MYOM2: variants seen among roughly 807,000 people sequenced by gnomAD.
The protein encoded by MYOM2 is myomesin 2.
MYOM2 carries 254 observed loss-of-function variants against 187.6 expected under a neutral mutation model. The ratio of observed to expected loss-of-function variants is 1.35; its 90% CI spans 1.22 to 1.50. MYOM2 has a LOEUF of 1.50. MYOM2 is among the 40% of genes most tolerant of loss of function. MYOM2 has a pLI of 0.00. For synonymous variants in MYOM2, 981 were observed against 753.8 expected (o/e 1.30, Z -4.94); for missense variants, 2,796 against 1,924.0 (o/e 1.45, Z -8.48).
At chr8:2,076,325 G>A (rs3817698) in intron 11 of MYOM2, 43 bp downstream of exon 11, 711,938 of 1,596,116 alleles carry the variant, frequency 0.45, 159,405 homozygotes, top group Admixed American at 0.47. Context: ...CGTTCCGCAT[G>A]GAATCTTACC....
chr8:2,098,879 C>A lies in MYOM2; in HGVS notation c.2336C>A (p.Ser779Ter). The change falls in exon 19 of 37, where the codon TCA becomes TAA. Residue 779 changes from serine to a stop codon, truncating the protein, a stop_gained. Coordinates refer to ENST00000262113, the MANE Select transcript of MYOM2 (RefSeq NM_003970.4). LOFTEE classifies it high-confidence loss of function. The part of the protein sequence containing the change: ...ILTVDGLTEG[S>*]LYEFKIAAVN... The stretch of plus-strand genomic sequence containing the variant: ...TAGGTGGACGGCTTGACGGAAGGCT[C>A]ACTCTACGAGTTCAAAATCGCCGCC... 6.2e-7 allele frequency: 1 copy of A among 1,613,008 alleles called. No individual in the cohort carries two copies. Among genetic ancestry groups the A allele is most frequent in the Non-Finnish European group, 8.5e-7 (1 of 1,179,444 alleles).
At position 2,145,027 on chromosome 8, in the gene MYOM2, C is replaced by G. The variant is rs1798415300; in HGVS notation, c.*46C>G. The G allele has an allele frequency of 1.3e-6, 2 of 1,599,902 alleles. No homozygotes were observed. The highest frequency in any genetic ancestry group is 1.7e-6 in the Non-Finnish European group (2 of 1,172,028). On this transcript the variant is annotated 3_prime_UTR_variant, in exon 37 of 37. Coordinates refer to ENST00000262113, the MANE Select transcript of MYOM2 (RefSeq NM_003970.4). ...GATGGGAAAATATGCTTGGCAGAGA[C>G]AGGAATGCTGTGTGCTTGTTCCAAA...
Position 2,096,443 on chromosome 8 carries a change from G to C in MYOM2, c.2313+9G>C, listed in dbSNP as rs773682032. 1.2e-6 allele frequency: 2 copies of C among 1,612,078 alleles called. No individual in the cohort carries two copies. Among genetic ancestry groups the C allele is most frequent in the South Asian group, 1.1e-5 (1 of 90,776 alleles). On this transcript the variant is annotated intron_variant, in intron 18 of 36. Transcript: ENST00000262113. ...AACCGACAATCCTAACGGTCAGTTG[G>C]TTTTTATTCCTTCGTCTATTTTTGC... is the stretch of plus-strand genomic sequence containing the variant.
chr8:2,107,465 T>C (rs1031803155), intron 23 of MYOM2, among the ~76,000 whole-genome samples: 3 of 152,172 alleles, frequency 2.0e-5, no homozygotes, highest in Non-Finnish European at 4.4e-5. Context: ...CTGGTTGATA[T>C]CATGCAGAGG....
chr8:2,120,689 A>ATTTATAATAT lies in MYOM2; in HGVS notation c.3454-2563_3454-2562insTTTATAATAT. 7.5e-4 allele frequency among the ~76,000 whole-genome samples: 32 copies of ATTTATAATAT among 42,416 alleles called. 2 individuals carry two copies. Among genetic ancestry groups the ATTTATAATAT allele is most frequent in the Non-Finnish European group, 1.4e-3 (29 of 21,402 alleles). 27.8% of individuals were successfully genotyped at this position (42,416 alleles called of 152,430 possible). ...ATATATATATATTATATTATATATA[A>ATTTATAATAT]ATATATAATATATATATTTTAATTG... is the stretch of plus-strand genomic sequence containing the variant. On this transcript the variant is annotated intron_variant, in intron 28 of 36. Coordinates refer to ENST00000262113, the MANE Select transcript of MYOM2 (RefSeq NM_003970.4).
Position 2,078,938 on chromosome 8 carries a change from G to A in MYOM2, c.1462+5G>A, listed in dbSNP as rs750026045. 52 of 1,613,212 alleles carry A rather than the reference G, an allele frequency of 3.2e-5. No homozygotes were observed. The highest frequency in any genetic ancestry group is 4.2e-5 in the Non-Finnish European group (50 of 1,179,614). ...TGGACCTCAGAAGGTTACAAGGTAA[G>A]CTGCTCACGCCTAAGTATCCACTGT... On this transcript the variant is annotated splice_donor_5th_base_variant and intron_variant, in intron 12 of 36. Coordinates refer to ENST00000262113, the MANE Select transcript of MYOM2 (RefSeq NM_003970.4).
In MYOM2 at chr8:2,129,226, G is replaced by A. The variant is rs748036308; in HGVS notation, c.3794G>A (p.Cys1265Tyr). 2 of 1,607,910 alleles carry A rather than the reference G, an allele frequency of 1.2e-6. No individual in the cohort carries two copies. The highest frequency in any genetic ancestry group is 1.7e-6 in the Non-Finnish European group (2 of 1,174,700). Residue 1265 changes from cysteine to tyrosine, a missense_variant, in exon 32 of 37, where the codon TGT becomes TAT. By Grantham distance (194) the Cys-to-Tyr change is radical (BLOSUM62 -2). Transcript: ENST00000262113. ...YFTDEMKVNW[C>Y]HKDAKISSSE... ...ACAGACGAAATGAAAGTGAACTGGT[G>A]TCACAAGTAAGTATGACAGCAGCCG...
intron 15 of MYOM2, among the ~76,000 whole-genome samples, chr8:2,091,839 G>T (rs143032904): frequency 1.3e-5 from 2 of 152,286 alleles, no homozygotes; most frequent in Non-Finnish European, 2.9e-5. Context: ...GAGGACACAG[G>T]TGGCCCCAAG....
chr8:2,109,415 T>A lies in MYOM2; in HGVS notation c.3064T>A (p.Leu1022Ile). Reference sequence around the variant, plus strand: ...TGTAGCAATTCCTCTGAAATCGGAATTAGCTTATGAGATTTTTGATAAGGG... The same window carrying A: ...TGTAGCAATTCCTCTGAAATCGGAAATAGCTTATGAGATTTTTGATAAGGG... Reference protein sequence around the residue: ...KNPTIPLKSELAYEIFDKGRV... With the variant: ...KNPTIPLKSEIAYEIFDKGRV... Residue 1022 changes from leucine (L) to isoleucine (I), a missense_variant, in exon 25 of 37, where the codon TTA (leucine) becomes ATA (isoleucine). Coordinates refer to ENST00000262113, the MANE Select transcript of MYOM2 (RefSeq NM_003970.4). 1.2e-6 allele frequency: 2 copies of A among 1,609,624 alleles called. No homozygotes were observed. The highest frequency in any genetic ancestry group is 8.5e-7 in the Non-Finnish European group (1 of 1,178,276).
chr8:2,072,649 G>T, intron 9 of MYOM2, 140 bp downstream of exon 9: 1 of 1,109,894 alleles, frequency 9.0e-7, no homozygotes. Flanking sequence ...AGGGACTGTA[G>T]AGGACTTGGT....
chr8:2,105,715 T>C (rs1472883105), intron 21 of MYOM2, among the ~76,000 whole-genome samples: 1 of 152,114 alleles, frequency 6.6e-6, no homozygotes, highest in Admixed American at 6.5e-5. Context: ...ACCAAGCCCC[T>C]CCAGGTCCTC....
At chr8:2,103,223 TA>T (rs1198235108) in intron 21 of MYOM2, among the ~76,000 whole-genome samples, 1 of 151,274 alleles carries the variant, frequency 6.6e-6, no homozygotes, top group Admixed American at 6.6e-5. Context: ...GTGCATGTTT[TA>T]TGTGTATATG....
chr8:2,111,305 A>G (rs1252390055), intron 25 of MYOM2, among the ~76,000 whole-genome samples: 1 of 152,246 alleles, frequency 6.6e-6, no homozygotes, highest in Non-Finnish European at 1.5e-5. Context: ...TATGGCACTC[A>G]TAAAATCATT....
In MYOM2 at chr8:2,073,915, T is replaced by G. The variant is rs181548558; in HGVS notation, c.1120+415T>G. ...GCCAGCGACTCATTCCCTCTGGACTTTGGCTTAAGAGAGGCAGATGTGATG... is the reference window on the plus strand; with the variant it reads ...GCCAGCGACTCATTCCCTCTGGACTGTGGCTTAAGAGAGGCAGATGTGATG... On this transcript the variant is annotated intron_variant, in intron 10 of 36. Transcript: ENST00000262113. Among the ~76,000 whole-genome samples the G allele has an allele frequency of 1.3e-3, 192 of 152,240 alleles. 1 individual carries two copies. The highest frequency in any genetic ancestry group is 4.4e-3 in the African/African-American group (181 of 41,554).
intron 13 of MYOM2, among the ~76,000 whole-genome samples, chr8:2,080,191 C>A (rs1397163902): frequency 6.6e-6 from 1 of 152,170 alleles, no homozygotes; most frequent in South Asian, 2.1e-4. Flanking sequence ...TTTAACTGGA[C>A]TTAGAGTTCA....
In MYOM2 at chr8:2,052,247, C is replaced by T; in HGVS notation, c.197C>T (p.Thr66Ile). Reference protein sequence around the residue: ...RASSQTSLGGTICRVCAKRVS... With the variant: ...RASSQTSLGGIICRVCAKRVS... ...TCCAGCCAGACGTCCCTGGGAGGAA[C>T]CATCTGCAGGGTCTGTGCGAAGCGA... is the stretch of plus-strand genomic sequence containing the variant. Residue 66 changes from threonine (T) to isoleucine (I), a missense_variant, in exon 3 of 37, where the codon ACC (threonine) becomes ATC (isoleucine). Transcript: ENST00000262113. The T allele has an allele frequency of 6.2e-7, 1 of 1,613,200 alleles. No individual in the cohort carries two copies. Among genetic ancestry groups the T allele is most frequent in the Non-Finnish European group, 8.5e-7 (1 of 1,179,818 alleles).
Position 2,078,990 on chromosome 8 carries a change from T to A in MYOM2, c.1462+57T>A. ...CCCAGGAAGCTTTGGCTGTTTTGTG[T>A]GTGATTTGTTGTCTCTTTCCCTCCC... On this transcript the variant is annotated intron_variant, in intron 12 of 36. Coordinates refer to ENST00000262113, the MANE Select transcript of MYOM2 (RefSeq NM_003970.4). 3.9e-6 allele frequency: 6 copies of A among 1,542,250 alleles called. No individual in the cohort carries two copies. The South Asian group carries it at 6.7e-5, about 17-fold the overall frequency.
chr8:2,062,932 G>C (rs1045154134), intron 6 of MYOM2, among the ~76,000 whole-genome samples: 12 of 152,178 alleles, frequency 7.9e-5, no homozygotes, highest in African/African-American at 1.2e-4. Context: ...CACCACATGG[G>C]CTTCGAACGG....
chr8:2,141,289 A>G, intron 34 of MYOM2, 112 bp downstream of exon 34: 2 of 860,680 alleles, frequency 2.3e-6, no homozygotes, highest in Non-Finnish European at 1.9e-6. Context: ...AGAAAGAGCC[A>G]TTCCTGGGAC....
Sources: allele counts gnomAD v4.1 joint callset (sites outside exome capture counted in the v4.1 genomes callset), GRCh38; gene constraint gnomAD v4.1.1; transcripts MANE v1.5; gene names NCBI Gene and HGNC (gene_info 2026-07-23, HGNC 2026-07-21).